Variants in FBXO4 observed in about 807,000 individuals in gnomAD.
The protein encoded by FBXO4 is F-box only protein 4.
FBXO4 carries 36 observed loss-of-function variants against 43.7 expected under a neutral mutation model. The observed-to-expected ratio is 0.82, with a 90% CI of 0.63 to 1.09. The LOEUF (loss-of-function observed/expected upper bound fraction) is 1.09, where lower values mean the gene tolerates loss of function less well. Among genes scored for constraint, FBXO4 ranks in the 50% least tolerant of loss-of-function variants. The probability of loss-of-function intolerance (pLI) is 0.00; values close to 1 mark genes in which losing one functional copy is unlikely to be tolerated. For missense variants in FBXO4, 435 were observed against 474.1 expected (o/e 0.92, Z 0.77); for synonymous variants, 180 against 165.6 (o/e 1.09, Z -0.67).
intron 1 of FBXO4, among the ~76,000 whole-genome samples, chr5:41,926,647 T>C (rs1751511796): frequency 6.6e-6 from 1 of 152,010 alleles, no homozygotes; most frequent in Non-Finnish European, 1.5e-5. Context: ...ATATGGGTTT[T>C]ATTTTGAAGG....
At chr5:41,999,492 T>TATAC in the FBXO4 span, among the ~76,000 whole-genome samples, 40 of 52,664 alleles carry the variant, frequency 7.6e-4, no homozygotes, top group African/African-American at 3.3e-3. Flanking sequence ...TATATATATA[T>TATAC]ACATATATAT....
the FBXO4 span, among the ~76,000 whole-genome samples, chr5:41,947,163 TAACA>T: frequency 7.9e-5 from 12 of 152,024 alleles, no homozygotes; most frequent in African/African-American, 2.9e-4. Context: ...TTAGAGACAA[TAACA>T]AATGAGACTG....
the FBXO4 span, among the ~76,000 whole-genome samples, chr5:41,997,779 C>A: frequency 6.6e-6 from 1 of 152,138 alleles, no homozygotes; most frequent in Non-Finnish European, 1.5e-5. Flanking sequence ...TGTGCAATTA[C>A]TCTGGTAAAA....
At chr5:42,002,897 T>C in the FBXO4 span, among the ~76,000 whole-genome samples, 1 of 152,252 alleles carries the variant, frequency 6.6e-6, no homozygotes, top group Non-Finnish European at 1.5e-5. Context: ...CTTGCTGAGA[T>C]GTTATCACCA....
At chr5:41,929,651 T>C in intron 2 of FBXO4, 46 bp from the exon 3 acceptor site, 1 of 1,372,936 alleles carries the variant, frequency 7.3e-7, no homozygotes, top group East Asian at 2.3e-5. Flanking sequence ...AATGAATAAC[T>C]GGCTGTTTTC....
chr5:42,019,814 T>C, the FBXO4 span, among the ~76,000 whole-genome samples: 741 of 152,270 alleles, frequency 4.9e-3, 8 homozygotes, highest in African/African-American at 0.017. Context: ...CCTAGTGTTC[T>C]ATATTCTTTC....
At chr5:41,972,975 G>T in the FBXO4 span, among the ~76,000 whole-genome samples, 7 of 152,046 alleles carry the variant, frequency 4.6e-5, no homozygotes, top group Non-Finnish European at 5.9e-5. Context: ...ACCCCAAGAA[G>T]AAAACCTAGG....
chr5:41,929,823 A>G lies in FBXO4; in HGVS notation c.552A>G (p.Pro184=), dbSNP rs752265435. The change falls in exon 3 of 7, where the codon CCA becomes CCG. Residue 184 remains proline, a synonymous_variant. Coordinates refer to ENST00000281623, the MANE Select transcript of FBXO4 (RefSeq NM_012176.3). ...QNEPRFAMFG[P]GLEELNTSLV... is the part of the protein sequence containing the mutation. ...AACCACGATTTGCTATGTTTGGACC[A>G]GGTTTGGAAGAATTGAATACCTCTT... 3.7e-6 allele frequency: 6 copies of G among 1,614,192 alleles called. No homozygotes were observed. In the South Asian group the frequency reaches 6.6e-5, roughly 18 times the overall value.
At chr5:42,007,754 T>C in the FBXO4 span, among the ~76,000 whole-genome samples, 823 of 152,254 alleles carry the variant, frequency 5.4e-3, 11 homozygotes, top group African/African-American at 0.018. Context: ...CTATAAAATA[T>C]TATGTCTTTT....
At chr5:41,971,929 G>T in the FBXO4 span, among the ~76,000 whole-genome samples, 1 of 151,892 alleles carries the variant, frequency 6.6e-6, no homozygotes, top group Non-Finnish European at 1.5e-5. Context: ...TAATTTCTCA[G>T]TTCTATACCC....
the FBXO4 span, among the ~76,000 whole-genome samples, chr5:41,974,073 C>G: frequency 6.6e-6 from 1 of 152,148 alleles, no homozygotes; most frequent in Non-Finnish European, 1.5e-5. Flanking sequence ...TGCATCATCT[C>G]TCTAATTGTT....
chr5:41,946,082 C>T (rs1370204354), downstream of FBXO4, among the ~76,000 whole-genome samples: 1 of 152,196 alleles, frequency 6.6e-6, no homozygotes, highest in Non-Finnish European at 1.5e-5. Flanking sequence ...CCTACCCACG[C>T]CCTCACTAAA....
At chr5:41,993,612 T>C in the FBXO4 span, among the ~76,000 whole-genome samples, 1 of 131,166 alleles carries the variant, frequency 7.6e-6, no homozygotes, top group African/African-American at 3.2e-5. Context: ...GAGACAGAAC[T>C]AATAGGATAT....
the FBXO4 span, chr5:41,967,513 G>T: frequency 1.3e-6 from 1 of 775,376 alleles, no homozygotes; most frequent in South Asian, 1.4e-5. Flanking sequence ...TTATAACAGT[G>T]GCATCACCTC....
chr5:41,985,872 G>A, the FBXO4 span, among the ~76,000 whole-genome samples: 1 of 152,084 alleles, frequency 6.6e-6, no homozygotes, highest in African/African-American at 2.4e-5. Flanking sequence ...GTAAAAGACA[G>A]TTGAATGACA....
At chr5:41,939,834 ATTTTTTTTTTTTTT>A (rs60238550) in intron 6 of FBXO4, among the ~76,000 whole-genome samples, 1 of 79,306 alleles carries the variant, frequency 1.3e-5, no homozygotes, top group Non-Finnish European at 2.4e-5. Context: ...ACAATTGGGG[ATTTTTTTTTTTTTT>A]TTTTTTTTTT....
At chr5:42,022,159 A>G in the FBXO4 span, among the ~76,000 whole-genome samples, 1 of 152,228 alleles carries the variant, frequency 6.6e-6, no homozygotes, top group African/African-American at 2.4e-5. Flanking sequence ...GACTGTGTCC[A>G]TTCACTCTTC....
chr5:42,020,480 A>C, the FBXO4 span, among the ~76,000 whole-genome samples: 1 of 152,198 alleles, frequency 6.6e-6, no homozygotes, highest in Non-Finnish European at 1.5e-5. Flanking sequence ...ACTTAGGATT[A>C]TGTTTATCTG....
At chr5:41,973,215 C>T in the FBXO4 span, among the ~76,000 whole-genome samples, 3 of 152,090 alleles carry the variant, frequency 2.0e-5, no homozygotes, top group Non-Finnish European at 4.4e-5. Flanking sequence ...GGAACTTAAA[C>T]AATAAGCAAA....
Sources: gnomAD v4.1 joint callset for allele counts (sites outside exome capture counted in the v4.1 genomes callset) on GRCh38, gnomAD v4.1.1 for gene constraint, MANE v1.5 for transcripts, NCBI Gene and HGNC (gene_info 2026-07-23, HGNC 2026-07-21) for gene names.